The following PRDM5 variants were observed in gnomAD, a reference collection of about 807,000 sequenced individuals.
PRDM5 encodes the protein PR/SET domain 5.
A neutral mutation model predicts 81.2 loss-of-function variants in PRDM5; 56 were observed. That is an observed-to-expected ratio of 0.69 (90% confidence interval 0.56 to 0.86). The LOEUF is 0.86. PRDM5 is among the 40% of genes least tolerant of loss of function. The pLI is 0.00. For missense variants in PRDM5, 697 were observed against 770.1 expected (o/e 0.91, Z 1.12); for synonymous variants, 267 against 256.4 (o/e 1.04, Z -0.39).
intron 11 of PRDM5, among the ~76,000 whole-genome samples, chr4:120,783,604 A>T (rs1224149151): frequency 5.9e-5 from 9 of 152,164 alleles, no homozygotes; most frequent in Non-Finnish European, 2.9e-5. Context: ...CTATTCTAAC[A>T]TTCATTCATC....
At chr4:120,919,213 T>A (rs1335921664) in intron 1 of PRDM5, among the ~76,000 whole-genome samples, 3 of 152,220 alleles carry the variant, frequency 2.0e-5, no homozygotes, top group Non-Finnish European at 4.4e-5. Flanking sequence ...GCAATTAATT[T>A]AACACTTGCC....
chr4:120,832,368 T>C (rs909408740), intron 3 of PRDM5, among the ~76,000 whole-genome samples: 2 of 152,084 alleles, frequency 1.3e-5, no homozygotes, highest in Non-Finnish European at 2.9e-5. Context: ...GATTCAATTA[T>C]CTCTACCTGA....
chr4:120,914,938 T>C (rs996472804), intron 1 of PRDM5, among the ~76,000 whole-genome samples: 4 of 152,080 alleles, frequency 2.6e-5, no homozygotes, highest in Non-Finnish European at 5.9e-5. Context: ...CACTTACAAA[T>C]GGGAGCTAAG....
chr4:120,799,127 G>A (rs1751759865), intron 9 of PRDM5, among the ~76,000 whole-genome samples: 1 of 152,002 alleles, frequency 6.6e-6, no homozygotes, highest in Admixed American at 6.6e-5. Flanking sequence ...ATCTGCATTA[G>A]TAAAACAGAG....
Position 120,788,943 on chromosome 4 carries a change from C to T in PRDM5, c.1189-3852G>A, listed in dbSNP as rs572000723. On this transcript the variant is annotated intron_variant, in intron 10 of 15. Coordinates refer to ENST00000264808, the MANE Select transcript of PRDM5 (RefSeq NM_018699.4). ...ATGCTTGCATGTTGCAAATAGAGAA[C>T]TTCTGTCTCCAAGATATATTTTACA... Among the ~76,000 whole-genome samples, 90 of 152,310 alleles carry T rather than the reference C, an allele frequency of 5.9e-4. 1 individual carries two copies. The highest frequency in any genetic ancestry group is 3.4e-3 in the Middle Eastern group (1 of 294).
chr4:120,727,596 G>A (rs1430894284), intron 14 of PRDM5, among the ~76,000 whole-genome samples: 1 of 152,276 alleles, frequency 6.6e-6, no homozygotes, highest in Non-Finnish European at 1.5e-5. Flanking sequence ...ATCTCCAAAT[G>A]TCTACCACTT....
At chr4:120,880,536 AC>A (rs1762745549) in intron 2 of PRDM5, among the ~76,000 whole-genome samples, 1 of 152,174 alleles carries the variant, frequency 6.6e-6, no homozygotes, top group African/African-American at 2.4e-5. Context: ...TGTAACCAAT[AC>A]AAAAATTATT....
intron 2 of PRDM5, among the ~76,000 whole-genome samples, chr4:120,885,158 T>TAAAAAAAAAAAAA (rs1444607309): frequency 8.5e-6 from 1 of 117,058 alleles, no homozygotes; most frequent in African/African-American, 3.3e-5. Context: ...AAAAAAAAAG[T>TAAAAAAAAAAAAA]AAAAAAGAAA....
At chr4:120,834,727 G>C (rs1757140937) in intron 3 of PRDM5, among the ~76,000 whole-genome samples, 1 of 152,102 alleles carries the variant, frequency 6.6e-6, no homozygotes, top group African/African-American at 2.4e-5. Context: ...AAAAAGTGTA[G>C]GTGGGCCTCA....
chr4:120,899,783 G>A (rs1257245046), intron 2 of PRDM5, among the ~76,000 whole-genome samples: 2 of 152,148 alleles, frequency 1.3e-5, no homozygotes, highest in African/African-American at 2.4e-5. Context: ...AGTCTCATAA[G>A]ACTGTCCTGC....
intron 2 of PRDM5, among the ~76,000 whole-genome samples, chr4:120,890,234 T>C (rs1056628083): frequency 6.6e-6 from 1 of 152,238 alleles, no homozygotes; most frequent in Admixed American, 6.5e-5. Flanking sequence ...AGCAGGCACC[T>C]CACATGGCCA....
intron 2 of PRDM5, among the ~76,000 whole-genome samples, chr4:120,865,738 T>A (rs1325387828): frequency 6.6e-6 from 1 of 152,134 alleles, no homozygotes; most frequent in Non-Finnish European, 1.5e-5. Context: ...TTCCTGGGCA[T>A]CACTTACACT....
chr4:120,699,846 G>C (rs539496836), intron 15 of PRDM5, among the ~76,000 whole-genome samples: 8 of 152,074 alleles, frequency 5.3e-5, no homozygotes, highest in African/African-American at 1.7e-4. Flanking sequence ...ACTGCTCAAA[G>C]CAATCTACAG....
intron 13 of PRDM5, among the ~76,000 whole-genome samples, chr4:120,755,764 CA>C (rs1744643456): frequency 6.6e-6 from 1 of 152,136 alleles, no homozygotes; most frequent in Non-Finnish European, 1.5e-5. Context: ...AGGCTGGCCC[CA>C]TTGCACAATG....
chr4:120,707,790 G>A (rs1736418250), intron 15 of PRDM5, among the ~76,000 whole-genome samples: 1 of 151,966 alleles, frequency 6.6e-6, no homozygotes, highest in South Asian at 2.1e-4. Flanking sequence ...TATCTGATAA[G>A]AGCCTAATAT....
rs545745421 is a variant in PRDM5, at chr4:120,728,152, T to A, written c.1624-17739A>T. ...CCCTTTCCTCCTGCTTCAGGTTTTC[T>A]AGACAACAAATCTCAGATCAGTTGT... On this transcript the variant is annotated intron_variant, in intron 14 of 15. Transcript: ENST00000264808. 3.3e-5 allele frequency among the ~76,000 whole-genome samples: 5 copies of A among 151,876 alleles called. No individual in the cohort carries two copies. In the South Asian group the frequency reaches 1.0e-3, roughly 32 times the overall value.
intron 2 of PRDM5, among the ~76,000 whole-genome samples, chr4:120,878,421 A>C (rs191977007): frequency 5.0e-4 from 76 of 152,348 alleles, no homozygotes; most frequent in African/African-American, 1.8e-3. Flanking sequence ...TTTCAAAATG[A>C]ATCACAGATC....
intron 1 of PRDM5, among the ~76,000 whole-genome samples, chr4:120,685,758 C>A (rs998783997): frequency 2.0e-5 from 3 of 152,086 alleles, no homozygotes; most frequent in Non-Finnish European, 2.9e-5. Context: ...TGACATCATT[C>A]AGTTAAGTAA....
intron 10 of PRDM5, among the ~76,000 whole-genome samples, chr4:120,785,317 T>C (rs189380623): frequency 6.6e-5 from 10 of 150,730 alleles, no homozygotes; most frequent in African/African-American, 2.2e-4. Flanking sequence ...ACTTGATAAA[T>C]AGTAAAAAAA....
Sources: gnomAD v4.1 joint callset for allele counts (sites outside exome capture counted in the v4.1 genomes callset) on GRCh38, gnomAD v4.1.1 for gene constraint, MANE v1.5 for transcripts, NCBI Gene and HGNC (gene_info 2026-07-23, HGNC 2026-07-21) for gene names.